SIGLECL1: variants seen among roughly 807,000 people sequenced by gnomAD.
SIGLECL1 encodes the protein SIGLEC family like 1.
A neutral mutation model predicts 19.1 loss-of-function variants in SIGLECL1; 16 were observed. That is an observed-to-expected ratio of 0.84 (90% CI 0.57 to 1.27). SIGLECL1 has a LOEUF of 1.27. Ranked by LOEUF, SIGLECL1 falls within the 50% of genes most tolerant of loss-of-function variation. SIGLECL1 has a pLI of 0.00. For missense variants in SIGLECL1, 210 were observed against 239.4 expected (o/e 0.88, Z 0.81); for synonymous variants, 89 against 90.4 (o/e 0.98, Z 0.09).
At chr19:51,264,352 G>C in intron 2 of SIGLECL1, 1 of 432,026 alleles carries the variant, frequency 2.3e-6, no homozygotes, top group Non-Finnish European at 4.2e-6. Flanking sequence ...AGAGCACTAG[G>C]AGCTGTTTCA....
At chr19:51,258,360 G>A (rs62115999) in intron 1 of SIGLECL1, among the ~76,000 whole-genome samples, 2,680 of 152,314 alleles carry the variant, frequency 0.018, 37 homozygotes, top group Non-Finnish European at 0.028. Flanking sequence ...AAGTCAAGAT[G>A]ATAAGCCTTT....
chr19:51,263,460 G>A (rs1983382333), intron 1 of SIGLECL1, among the ~76,000 whole-genome samples: 1 of 152,182 alleles, frequency 6.6e-6, no homozygotes, highest in African/African-American at 2.4e-5. Context: ...GACAGAGAGA[G>A]AGAAAGACCC....
chr19:51,264,188 A>C, intron 2 of SIGLECL1, 94 bp downstream of exon 2: 1 of 1,438,598 alleles, frequency 7.0e-7, no homozygotes, highest in South Asian at 1.2e-5. Flanking sequence ...CTATGGAGGC[A>C]TGGAGAAAGA....
At chr19:51,266,839 C>T (rs1253728381) in intron 4 of SIGLECL1, among the ~76,000 whole-genome samples, 1 of 152,216 alleles carries the variant, frequency 6.6e-6, no homozygotes, top group Middle Eastern at 3.4e-3. Context: ...ATCCTCATTT[C>T]GGAGCCATGG....
At chr19:51,266,938 G>A (rs1382960818) in intron 4 of SIGLECL1, among the ~76,000 whole-genome samples, 2 of 152,114 alleles carry the variant, frequency 1.3e-5, no homozygotes, top group Non-Finnish European at 2.9e-5. Flanking sequence ...GGCCAGGCAG[G>A]AAGCTGGTGC....
chr19:51,248,664 A>C (rs1982343083), upstream of SIGLECL1, among the ~76,000 whole-genome samples: 2 of 152,234 alleles, frequency 1.3e-5, no homozygotes, highest in Non-Finnish European at 2.9e-5. Flanking sequence ...GCTGACATTC[A>C]TGAATCCAGA....
rs758744287 is a variant in SIGLECL1, at chr19:51,265,444, C to T, written c.99C>T (p.Pro33=). The stretch of plus-strand genomic sequence containing the variant: ...GCAGCTGTTCCTTCCATGGGATTCC[C>T]ACACCCTCTGTGCAGTGGTGGATGG... ...LQCSCSFHGI[P]TPSVQWWMGG... is the part of the protein sequence containing the mutation. Residue 33 remains proline (P), a synonymous_variant, in exon 3 of 6, where the codon CCC becomes CCT. Coordinates refer to ENST00000601727, the MANE Select transcript of SIGLECL1 (RefSeq NM_001385465.1). 1.2e-6 allele frequency: 2 copies of T among 1,614,042 alleles called. No individual in the cohort carries two copies. Among genetic ancestry groups the T allele is most frequent in the African/African-American group, 2.7e-5 (2 of 74,918 alleles).
intron 2 of SIGLECL1, 71 bp from the exon 3 acceptor site, chr19:51,265,297 G>A: frequency 6.7e-7 from 1 of 1,494,422 alleles, no homozygotes; most frequent in East Asian, 2.3e-5. Flanking sequence ...TAAAGAGAAG[G>A]CTGCATGCTG....
rs144815227 is a variant in SIGLECL1 at position 51,252,984 on chromosome 19, G to A, written c.-191+1439G>A. Among the ~76,000 whole-genome samples the A allele has an allele frequency of 5.0e-3, 760 of 152,026 alleles. 6 individuals are homozygous for A. Among genetic ancestry groups the A allele is most frequent in the African/African-American group, 0.017 (712 of 41,446 alleles). On this transcript the variant is annotated intron_variant, in intron 1 of 5. Coordinates refer to ENST00000601727, the MANE Select transcript of SIGLECL1 (RefSeq NM_001385465.1). ...TACAAAAAAAATTTTTTCATTAGCT[G>A]GACCTGGTGGCTTGTGCTTATAGTC...
In SIGLECL1 at chr19:51,251,304, C is replaced by CGTCA. The variant is rs1982467896; in HGVS notation, c.-426_-423dup. 1.3e-5 allele frequency: 2 copies of CGTCA among 152,564 alleles called. No individual in the cohort carries two copies. The highest frequency in any genetic ancestry group is 4.1e-4 in the South Asian group (2 of 4,842). 9.5% of individuals were successfully genotyped at this position (152,564 alleles called of 1,614,324 possible). A position where few individuals can be genotyped will look rare whatever the true frequency, so the allele number is the denominator to read the frequency against. ...CTGCACTAACTGGGCTTCCAGTCAG[C>CGTCA]GTCAGTCAGCGGATCCTTGGGCCGT... On this transcript the variant is annotated 5_prime_UTR_variant, in exon 1 of 6. Transcript: ENST00000601727.
At chr19:51,253,858 G>T (rs1982639669) in intron 1 of SIGLECL1, among the ~76,000 whole-genome samples, 1 of 152,158 alleles carries the variant, frequency 6.6e-6, no homozygotes. Context: ...GTGGATCTCT[G>T]CCTTCCTTTT....
intron 5 of SIGLECL1, among the ~76,000 whole-genome samples, chr19:51,267,897 G>A (rs1167024595): frequency 6.6e-6 from 1 of 152,106 alleles, no homozygotes; most frequent in African/African-American, 2.4e-5. Context: ...AGATGCCACA[G>A]GCCAAGTCAG....
intron 4 of SIGLECL1, among the ~76,000 whole-genome samples, chr19:51,266,886 G>A (rs1330342821): frequency 6.6e-6 from 1 of 152,092 alleles, no homozygotes; most frequent in Non-Finnish European, 1.5e-5. Context: ...TTGAGCTTGG[G>A]GTGGGACACA....
At chr19:51,252,603 G>GACAATGCA (rs1982561632) in intron 1 of SIGLECL1, among the ~76,000 whole-genome samples, 1 of 152,116 alleles carries the variant, frequency 6.6e-6, no homozygotes, top group African/African-American at 2.4e-5. Flanking sequence ...AAAAAAAATT[G>GACAATGCA]ACAATGCAAA....
intron 1 of SIGLECL1, among the ~76,000 whole-genome samples, chr19:51,260,634 C>T (rs1365122628): frequency 6.6e-6 from 1 of 152,122 alleles, no homozygotes. Context: ...TGTGTATCTT[C>T]TGCTTTGATA....
chr19:51,250,733 A>C (rs996129192), upstream of SIGLECL1, among the ~76,000 whole-genome samples: 2 of 152,194 alleles, frequency 1.3e-5, no homozygotes, highest in Admixed American at 6.5e-5. Flanking sequence ...TTGGCCCACA[A>C]ACTACCCTGG....
intron 1 of SIGLECL1, among the ~76,000 whole-genome samples, chr19:51,261,691 A>T (rs769494679): frequency 4.6e-5 from 7 of 152,170 alleles, no homozygotes; most frequent in Non-Finnish European, 8.8e-5. Flanking sequence ...ATGATCTTAG[A>T]TTCATAACTG....
chr19:51,265,717 A>G, intron 3 of SIGLECL1, 60 bp from the exon 4 acceptor site: 1 of 1,613,220 alleles, frequency 6.2e-7, no homozygotes, highest in East Asian at 2.2e-5. Context: ...CACTGGGGCT[A>G]GAGAATGGAG....
intron 4 of SIGLECL1, among the ~76,000 whole-genome samples, chr19:51,266,159 C>T (rs575445147): frequency 2.6e-5 from 4 of 152,110 alleles, no homozygotes; most frequent in South Asian, 2.1e-4. Context: ...AGCGAGTCCC[C>T]GGGGTGCTGT....
Sources: gnomAD v4.1 joint callset for allele counts (sites outside exome capture counted in the v4.1 genomes callset) on GRCh38, gnomAD v4.1.1 for gene constraint, MANE v1.5 for transcripts, NCBI Gene and HGNC (gene_info 2026-07-23, HGNC 2026-07-21) for gene names.